NDUFB5: variants seen among roughly 807,000 people sequenced by gnomAD.
NDUFB5 encodes the protein NADH:ubiquinone oxidoreductase subunit B5.
A neutral mutation model predicts 19.4 loss-of-function variants in NDUFB5; 19 were observed. The observed-to-expected ratio is 0.98, with a 90% CI of 0.68 to 1.43. NDUFB5 has a LOEUF of 1.43. Ranked by LOEUF, NDUFB5 falls within the 40% of genes most tolerant of loss-of-function variation. NDUFB5 has a pLI of 0.00. For missense variants in NDUFB5, 233 were observed against 236.5 expected (o/e 0.99, Z 0.10); for synonymous variants, 80 against 82.6 (o/e 0.97, Z 0.17).
intron 1 of NDUFB5, among the ~76,000 whole-genome samples, chr3:179,612,158 C>A (rs1719259158): frequency 6.6e-6 from 1 of 151,790 alleles, no homozygotes; most frequent in South Asian, 2.1e-4. Context: ...CCTACTACAT[C>A]AACAATCCTG....
intron 5 of NDUFB5, among the ~76,000 whole-genome samples, chr3:179,622,463 T>C (rs1719564267): frequency 6.6e-6 from 1 of 152,168 alleles, no homozygotes. Context: ...TTTAATGAAA[T>C]AGGAAGGTGC....
chr3:179,623,890 A>T, intron 5 of NDUFB5, 30 bp from the exon 6 acceptor site: 1 of 1,612,064 alleles, frequency 6.2e-7, no homozygotes, highest in Non-Finnish European at 8.5e-7. Context: ...AAGTGCTGGA[A>T]TCTCAATATT....
At chr3:179,623,815 C>A in intron 5 of NDUFB5, 105 bp from the exon 6 acceptor site, 1 of 1,401,736 alleles carries the variant, frequency 7.1e-7, no homozygotes, top group Non-Finnish European at 1.0e-6. Flanking sequence ...GAGCATTATA[C>A]TTTACATAAA....
At chr3:179,615,104 G>A in intron 2 of NDUFB5, 45 bp downstream of exon 2, 1 of 1,321,192 alleles carries the variant, frequency 7.6e-7, no homozygotes, top group South Asian at 1.4e-5. Flanking sequence ...GCATGTAACA[G>A]GGAAAAAATT....
chr3:179,605,175 C>G (rs746763086), intron 1 of NDUFB5, among the ~76,000 whole-genome samples: 4 of 152,116 alleles, frequency 2.6e-5, no homozygotes, highest in Non-Finnish European at 5.9e-5. Flanking sequence ...CCAATTAATG[C>G]TAATTTGCGG....
chr3:179,609,215 T>C (rs571251145), intron 1 of NDUFB5, among the ~76,000 whole-genome samples: 2 of 152,280 alleles, frequency 1.3e-5, no homozygotes, highest in Admixed American at 6.5e-5. Context: ...TCAATTCTTA[T>C]GGGTATATCT....
intron 1 of NDUFB5, among the ~76,000 whole-genome samples, chr3:179,612,062 G>A (rs961662933): frequency 3.3e-5 from 5 of 151,756 alleles, no homozygotes; most frequent in Non-Finnish European, 7.4e-5. Flanking sequence ...TGATCCTCCC[G>A]CCTCAGCCTC....
At chr3:179,623,842 T>G (rs1719596373) in intron 5 of NDUFB5, 78 bp from the exon 6 acceptor site, 15 of 1,548,236 alleles carry the variant, frequency 9.7e-6, no homozygotes, top group Non-Finnish European at 1.3e-5. Context: ...CTCCAGTGAT[T>G]GTCCTTTATG....
chr3:179,610,580 T>C (rs532262653), intron 1 of NDUFB5, among the ~76,000 whole-genome samples: 11 of 152,346 alleles, frequency 7.2e-5, no homozygotes, highest in Admixed American at 5.2e-4. Flanking sequence ...CCAGTTTGTC[T>C]AGTTTTTCTT....
rs574263828 is a variant in NDUFB5, at chr3:179,610,154, G to C, written c.125-4817G>C. Among the ~76,000 whole-genome samples, 9 of 152,148 alleles carry C rather than the reference G, an allele frequency of 5.9e-5. No individual in the cohort carries two copies. The East Asian group carries it at 1.7e-3, about 29-fold the overall frequency. On this transcript the variant is annotated intron_variant, in intron 1 of 5. Transcript: ENST00000259037. ...GTCACCCAGGCTGAAGTGCAGTGGCGCAATCATAGCTCACTGTAGCCTCAA... is the reference window on the plus strand; with the variant it reads ...GTCACCCAGGCTGAAGTGCAGTGGCCCAATCATAGCTCACTGTAGCCTCAA...
intron 1 of NDUFB5, among the ~76,000 whole-genome samples, chr3:179,609,247 C>T (rs1007241389): frequency 2.6e-5 from 4 of 152,144 alleles, no homozygotes; most frequent in African/African-American, 9.7e-5. Context: ...ATTGCTGGGT[C>T]ATGTGTGTCA....
rs1332884326 is a variant in NDUFB5, at chr3:179,625,978, T to A, written c.*1938T>A. The stretch of plus-strand genomic sequence containing the variant: ...AAGGGATTGCTGGATTGTATGATAA[T>A]TCTATGTGTAGTTTCTTGAGGAACC... On this transcript the variant is annotated 3_prime_UTR_variant, in exon 6 of 6. Coordinates refer to ENST00000259037, the MANE Select transcript of NDUFB5 (RefSeq NM_002492.4). 3 of 152,264 alleles carry A rather than the reference T, an allele frequency of 2.0e-5. No individual in the cohort carries two copies. Among genetic ancestry groups the A allele is most frequent in the Non-Finnish European group, 4.4e-5 (3 of 68,062 alleles). The allele number at this position is 152,264 out of a possible 1,614,324, so 9.4% of individuals were successfully genotyped here.
In NDUFB5 at chr3:179,624,285, A is replaced by T. The variant is rs538873041; in HGVS notation, c.*245A>T. 3 of 313,880 alleles carry T rather than the reference A, an allele frequency of 9.6e-6. No individual in the cohort carries two copies. The East Asian group carries it at 2.1e-4, about 22-fold the overall frequency. 19.4% of individuals were successfully genotyped at this position (313,880 alleles called of 1,614,324 possible). Reference sequence around the variant, plus strand: ...AACTCCTAAAATTGTAGCAACTTTGAAAGGTTAGTGTTTTATTTACCTGAC... The same window carrying T: ...AACTCCTAAAATTGTAGCAACTTTGTAAGGTTAGTGTTTTATTTACCTGAC... On this transcript the variant is annotated 3_prime_UTR_variant, in exon 6 of 6. Coordinates refer to ENST00000259037, the MANE Select transcript of NDUFB5 (RefSeq NM_002492.4).
rs1003706054 is a variant in NDUFB5, at chr3:179,627,266, C to T, written c.*3226C>T. 2.0e-5 allele frequency: 3 copies of T among 151,984 alleles called. No individual in the cohort carries two copies. Among genetic ancestry groups the T allele is most frequent in the Admixed American group, 1.3e-4 (2 of 15,254 alleles). 9.4% of individuals were successfully genotyped at this position (151,984 alleles called of 1,614,324 possible). On this transcript the variant is annotated 3_prime_UTR_variant, in exon 6 of 6. Transcript: ENST00000259037. Reference sequence around the variant, plus strand: ...GTTGTACGTAAGAAAACCCAATTCCCCCTGAGAAAGAGAAAGAGCTGGAGT... The same window carrying T: ...GTTGTACGTAAGAAAACCCAATTCCTCCTGAGAAAGAGAAAGAGCTGGAGT...
intron 1 of NDUFB5, among the ~76,000 whole-genome samples, chr3:179,613,121 A>G (rs959371927): frequency 6.6e-6 from 1 of 152,152 alleles, no homozygotes. Context: ...CTCTTGTAGC[A>G]GTAGCTTTGT....
Position 179,618,527 on chromosome 3 carries a change from A to G in NDUFB5, c.449+6A>G. On this transcript the variant is annotated splice_donor_region_variant and intron_variant, in intron 5 of 5. Transcript: ENST00000259037. Reference sequence around the variant, plus strand: ...GCTGAAAAGGCTGAATTACGGTAGGAAAAACGAGGGGGTAGGTGGGAAAGA... The same window carrying G: ...GCTGAAAAGGCTGAATTACGGTAGGGAAAACGAGGGGGTAGGTGGGAAAGA... 6.3e-7 allele frequency: 1 copy of G among 1,588,712 alleles called. No individual in the cohort carries two copies. The highest frequency in any genetic ancestry group is 1.7e-4 in the Middle Eastern group (1 of 6,024).
chr3:179,605,034 G>A (rs1270853176), intron 1 of NDUFB5, 95 bp downstream of exon 1: 2 of 1,415,854 alleles, frequency 1.4e-6, no homozygotes, highest in Non-Finnish European at 1.8e-6. Context: ...TCCGGAGGGA[G>A]CCGGGACAAG....
At chr3:179,608,729 C>T (rs541750034) in intron 1 of NDUFB5, among the ~76,000 whole-genome samples, 1 of 152,216 alleles carries the variant, frequency 6.6e-6, no homozygotes, top group Non-Finnish European at 1.5e-5. Flanking sequence ...TTAAATGGAT[C>T]CAGGTGCTGG....
rs1719645782 is a variant in NDUFB5 at position 179,625,450 on chromosome 3, A to G, written c.*1410A>G. 2 of 151,844 alleles carry G rather than the reference A, an allele frequency of 1.3e-5. No individual in the cohort carries two copies. The highest frequency in any genetic ancestry group is 2.9e-5 in the Non-Finnish European group (2 of 68,036). 9.4% of individuals were successfully genotyped at this position (151,844 alleles called of 1,614,324 possible). ...ACTTTATTATTTTTATTGATAATGTACTTGTAATGTGCTATTTTGATACAT... is the reference window on the plus strand; with the variant it reads ...ACTTTATTATTTTTATTGATAATGTGCTTGTAATGTGCTATTTTGATACAT... On this transcript the variant is annotated 3_prime_UTR_variant, in exon 6 of 6. Coordinates refer to ENST00000259037, the MANE Select transcript of NDUFB5 (RefSeq NM_002492.4).
Sources: allele counts gnomAD v4.1 joint callset (sites outside exome capture counted in the v4.1 genomes callset), GRCh38; gene constraint gnomAD v4.1.1; transcripts MANE v1.5; gene names NCBI Gene and HGNC (gene_info 2026-07-23, HGNC 2026-07-21).